Variants in TRPS1 observed in about 807,000 individuals in gnomAD.
The protein encoded by TRPS1 is zinc finger transcription factor Trps1.
In TRPS1, 6 loss-of-function variants were observed where a neutral mutation model predicts 101.2. The ratio of observed to expected loss-of-function variants is 0.06; its 90% CI spans 0.03 to 0.12. The LOEUF is 0.12. TRPS1 is among the 10% of genes least tolerant of loss of function. The pLI is 1.00. For synonymous variants in TRPS1, 578 were observed against 589.8 expected (o/e 0.98, Z 0.29); for missense variants, 1,363 against 1,567.0 (o/e 0.87, Z 2.20).
At chr8:115,560,431 G>C (rs1187050549) in intron 5 of TRPS1, among the ~76,000 whole-genome samples, 2 of 152,140 alleles carry the variant, frequency 1.3e-5, no homozygotes, top group African/African-American at 4.8e-5. Flanking sequence ...CGTTGCTAAG[G>C]TGTAAAGGGG....
chr8:115,644,447 T>C (rs1231704239), intron 1 of TRPS1, among the ~76,000 whole-genome samples: 1 of 152,226 alleles, frequency 6.6e-6, no homozygotes, highest in Non-Finnish European at 1.5e-5. Context: ...TTTATCTCTC[T>C]CTCAGCTTTC....
chr8:115,421,717 C>A (rs536020979), intron 5 of TRPS1, among the ~76,000 whole-genome samples: 3 of 152,206 alleles, frequency 2.0e-5, no homozygotes, highest in Non-Finnish European at 4.4e-5. Flanking sequence ...CTGGAAGTAG[C>A]AGAGAAGGTG....
At chr8:115,591,571 C>G (rs1411707495) in intron 4 of TRPS1, among the ~76,000 whole-genome samples, 1 of 152,124 alleles carries the variant, frequency 6.6e-6, no homozygotes, top group African/African-American at 2.4e-5. Flanking sequence ...CTCCCTGACT[C>G]CTGGCATGTC....
chr8:115,628,431 C>T (rs915528183), intron 1 of TRPS1, among the ~76,000 whole-genome samples: 12 of 151,568 alleles, frequency 7.9e-5, no homozygotes, highest in Non-Finnish European at 1.5e-4. Flanking sequence ...CTGACAAAAA[C>T]AAATTACACA....
intron 5 of TRPS1, among the ~76,000 whole-genome samples, chr8:115,489,521 T>C (rs1423260189): frequency 1.3e-5 from 2 of 152,166 alleles, no homozygotes; most frequent in African/African-American, 4.8e-5. Context: ...TAATAAAGAG[T>C]TGGATTTTTA....
At chr8:115,426,084 G>A (rs761386672) in intron 5 of TRPS1, among the ~76,000 whole-genome samples, 6 of 151,846 alleles carry the variant, frequency 4.0e-5, no homozygotes, top group Non-Finnish European at 7.4e-5. Flanking sequence ...TTCTATTTTT[G>A]CCATCCTGTA....
At chr8:115,552,859 C>A (rs1816735490) in intron 5 of TRPS1, among the ~76,000 whole-genome samples, 1 of 152,016 alleles carries the variant, frequency 6.6e-6, no homozygotes, top group Non-Finnish European at 1.5e-5. Context: ...CCCTAAAGCC[C>A]TCTTACCTTC....
intron 5 of TRPS1, among the ~76,000 whole-genome samples, chr8:115,507,062 T>C (rs767466900): frequency 5.9e-5 from 9 of 152,078 alleles, no homozygotes; most frequent in Non-Finnish European, 1.2e-4. Flanking sequence ...TGAAAACACA[T>C]AGAAGCTGTA....
rs1817168696 is a variant in TRPS1 at position 115,570,237 on chromosome 8, A to G, written c.2700+16764T>C. Among the ~76,000 whole-genome samples, 3 of 152,248 alleles carry G rather than the reference A, an allele frequency of 2.0e-5. No homozygotes were observed. In the South Asian group the frequency reaches 6.2e-4, roughly 32 times the overall value. ...TAAGTAACTCACTAGATAATCTTAT[A>G]CCCTAAAGGTTATTGGAAATAATGC... On this transcript the variant is annotated intron_variant, in intron 5 of 6. Coordinates refer to ENST00000395715, the MANE Select transcript of TRPS1 (RefSeq NM_014112.5).
At chr8:115,434,144 T>C (rs1236525827) in intron 5 of TRPS1, among the ~76,000 whole-genome samples, 1 of 152,156 alleles carries the variant, frequency 6.6e-6, no homozygotes, top group Non-Finnish European at 1.5e-5. Context: ...TACATAAACA[T>C]GTATTTTACA....
chr8:115,586,909 TCA>T, intron 5 of TRPS1, 90 bp downstream of exon 5: 1 of 1,597,276 alleles, frequency 6.3e-7, no homozygotes, highest in Non-Finnish European at 8.5e-7. Flanking sequence ...AAGTTTCACT[TCA>T]CACACAACAC....
chr8:115,667,016 A>G (rs1811937312), intron 1 of TRPS1, among the ~76,000 whole-genome samples: 2 of 152,232 alleles, frequency 1.3e-5, no homozygotes, highest in African/African-American at 4.8e-5. Context: ...ATTTTCCAAA[A>G]TGGCATAAGA....
chr8:115,485,086 AG>A, intron 5 of TRPS1, among the ~76,000 whole-genome samples: 1 of 152,132 alleles, frequency 6.6e-6, no homozygotes, highest in Non-Finnish European at 1.5e-5. Context: ...TTACAACAGG[AG>A]GTTATCCAAT....
chr8:115,661,311 C>G, intron 1 of TRPS1, among the ~76,000 whole-genome samples: 1 of 152,122 alleles, frequency 6.6e-6, no homozygotes, highest in Middle Eastern at 3.4e-3. Context: ...TTAAAAGATT[C>G]ACATTTCAAG....
At chr8:115,548,353 T>A (rs1160729709) in intron 5 of TRPS1, among the ~76,000 whole-genome samples, 1 of 152,180 alleles carries the variant, frequency 6.6e-6, no homozygotes, top group Non-Finnish European at 1.5e-5. Context: ...TTTGTTTGTT[T>A]TTGAGACAGA....
At chr8:115,643,708 A>G (rs1437679513) in intron 1 of TRPS1, among the ~76,000 whole-genome samples, 2 of 152,214 alleles carry the variant, frequency 1.3e-5, no homozygotes, top group African/African-American at 4.8e-5. Context: ...ACATCCTCCC[A>G]TGAATCATGA....
intron 4 of TRPS1, among the ~76,000 whole-genome samples, chr8:115,595,587 C>T (rs991401143): frequency 9.9e-5 from 15 of 151,856 alleles, no homozygotes; most frequent in African/African-American, 3.6e-4. Flanking sequence ...AGAAAAAACA[C>T]TACTAACACC....
At chr8:115,545,394 A>C (rs72680009) in intron 5 of TRPS1, among the ~76,000 whole-genome samples, 2,707 of 152,296 alleles carry the variant, frequency 0.018, 36 homozygotes, top group Middle Eastern at 0.041. Flanking sequence ...CGTCAAGTTT[A>C]ATAGTTAACT....
At chr8:115,497,685 A>G (rs532430415) in intron 5 of TRPS1, among the ~76,000 whole-genome samples, 19 of 152,326 alleles carry the variant, frequency 1.2e-4, no homozygotes, top group African/African-American at 4.6e-4. Flanking sequence ...TTTCTGATTC[A>G]TGCTGCTCAG....
Sources: allele counts gnomAD v4.1 joint callset (sites outside exome capture counted in the v4.1 genomes callset), GRCh38; gene constraint gnomAD v4.1.1; transcripts MANE v1.5; gene names NCBI Gene and HGNC (gene_info 2026-07-23, HGNC 2026-07-21).